The following SNX10 variants were observed in gnomAD, a reference collection of about 807,000 sequenced individuals.
SNX10 encodes the protein sorting nexin 10.
In SNX10, 25 loss-of-function variants were observed where a neutral mutation model predicts 28.5. The ratio of observed to expected loss-of-function variants is 0.88; its 90% CI spans 0.64 to 1.22. The LOEUF (loss-of-function observed/expected upper bound fraction) is 1.22. Ranked by LOEUF, SNX10 falls within the 50% of genes most tolerant of loss-of-function variation. The pLI is 0.00. For synonymous variants in SNX10, 62 were observed against 81.4 expected (o/e 0.76, Z 1.28); for missense variants, 223 against 242.6 (o/e 0.92, Z 0.54).
At chr7:26,352,615 A>G (rs1173773175) in intron 2 of SNX10, among the ~76,000 whole-genome samples, 2 of 152,194 alleles carry the variant, frequency 1.3e-5, no homozygotes, top group Admixed American at 6.5e-5. Context: ...ATATTATATA[A>G]TTTCATCTGT....
At chr7:26,299,518 C>T (rs1215515150) in intron 1 of SNX10, among the ~76,000 whole-genome samples, 1 of 150,454 alleles carries the variant, frequency 6.6e-6, no homozygotes, top group Non-Finnish European at 1.5e-5. Context: ...GCGACCTCTG[C>T]CTCCCAAGTT....
At chr7:26,342,571 G>C (rs1788223703) in intron 1 of SNX10, among the ~76,000 whole-genome samples, 1 of 152,000 alleles carries the variant, frequency 6.6e-6, no homozygotes, top group Non-Finnish European at 1.5e-5. Context: ...ACTATTCTGA[G>C]AGCATTATGC....
intron 1 of SNX10, among the ~76,000 whole-genome samples, chr7:26,339,871 AGTTG>A (rs1788115665): frequency 6.8e-6 from 1 of 146,496 alleles, no homozygotes; most frequent in Non-Finnish European, 1.5e-5. Context: ...TTTTTTAAAT[AGTTG>A]GTTCTGAGAC....
At chr7:26,315,073 C>A (rs1787021883) in intron 1 of SNX10, among the ~76,000 whole-genome samples, 1 of 151,922 alleles carries the variant, frequency 6.6e-6, no homozygotes, top group South Asian at 2.1e-4. Context: ...AAAATAGAAG[C>A]CATATGTAGT....
At chr7:26,299,334 T>C (rs1455575301) in intron 1 of SNX10, among the ~76,000 whole-genome samples, 1 of 152,180 alleles carries the variant, frequency 6.6e-6, no homozygotes, top group Non-Finnish European at 1.5e-5. Flanking sequence ...TAGCTGGGAT[T>C]ACAGGCATGT....
In SNX10 at chr7:26,372,319, T is replaced by C. The variant is rs7801068; in HGVS notation, c.525-172T>C. On this transcript the variant is annotated intron_variant, in intron 6 of 6. Coordinates refer to ENST00000338523, the MANE Select transcript of SNX10 (RefSeq NM_013322.3). ...ACTTGAATTATTCGCGTTTAAATTA[T>C]CTAGCTAAAAAAATACCCAACTGCA... The C allele has an allele frequency of 4.3e-3, 2,714 of 625,438 alleles. 63 individuals carry two copies. The highest frequency in any genetic ancestry group is 0.043 in the African/African-American group (2,373 of 54,860). The allele number at this position is 625,438 out of a possible 1,614,324, so 38.7% of individuals were successfully genotyped here.
Position 26,360,960 on chromosome 7 carries a change from A to G in SNX10, c.25-15A>G, listed in dbSNP as rs1198828531. The G allele has an allele frequency of 1.2e-6, 2 of 1,603,592 alleles. No individual in the cohort carries two copies. The highest frequency in any genetic ancestry group is 2.2e-5 in the South Asian group (2 of 90,768). ...AGTTCTGAAGAATATTTCTTTGTTTATGATGCCATTACAGGAATTTGTAAG... is the reference window on the plus strand; with the variant it reads ...AGTTCTGAAGAATATTTCTTTGTTTGTGATGCCATTACAGGAATTTGTAAG... On this transcript the variant is annotated splice_polypyrimidine_tract_variant and intron_variant, in intron 2 of 6. Coordinates refer to ENST00000338523, the MANE Select transcript of SNX10 (RefSeq NM_013322.3).
chr7:26,360,939 C>G, intron 2 of SNX10, 36 bp from the exon 3 acceptor site: 1 of 1,580,772 alleles, frequency 6.3e-7, no homozygotes, highest in South Asian at 1.1e-5. Context: ...ACTTGCAGTT[C>G]TGAAGAATAT....
chr7:26,298,989 T>C (rs1375423945), intron 1 of SNX10, among the ~76,000 whole-genome samples: 2 of 152,224 alleles, frequency 1.3e-5, no homozygotes, highest in Non-Finnish European at 2.9e-5. Flanking sequence ...CACTGGGGGT[T>C]AGGGCTTTAC....
intron 1 of SNX10, among the ~76,000 whole-genome samples, chr7:26,313,507 T>C (rs956748962): frequency 2.6e-5 from 4 of 152,330 alleles, no homozygotes; most frequent in African/African-American, 9.6e-5. Flanking sequence ...TATCTGGGAC[T>C]CTATGCAAAG....
intron 1 of SNX10, among the ~76,000 whole-genome samples, chr7:26,303,600 T>G (rs1786462395): frequency 6.6e-6 from 1 of 152,224 alleles, no homozygotes; most frequent in Non-Finnish European, 1.5e-5. Context: ...TTTCTCTGGT[T>G]TCTCTGATTC....
intron 2 of SNX10, among the ~76,000 whole-genome samples, chr7:26,352,984 G>C (rs1173520238): frequency 4.6e-5 from 7 of 151,030 alleles, no homozygotes. Context: ...CTGCAGAAGA[G>C]GAGGTTTTTT....
intron 2 of SNX10, among the ~76,000 whole-genome samples, chr7:26,352,483 T>C (rs1327944632): frequency 6.6e-6 from 1 of 152,178 alleles, no homozygotes; most frequent in African/African-American, 2.4e-5. Context: ...AACCCCCATA[T>C]GTGTACCTAC....
intron 1 of SNX10, among the ~76,000 whole-genome samples, chr7:26,345,396 C>G (rs1211481700): frequency 6.6e-6 from 1 of 152,190 alleles, no homozygotes; most frequent in Non-Finnish European, 1.5e-5. Flanking sequence ...ATCCCCTGCT[C>G]TCCCATTCCC....
At chr7:26,345,516 G>C (rs1280168838) in intron 1 of SNX10, among the ~76,000 whole-genome samples, 1 of 152,108 alleles carries the variant, frequency 6.6e-6, no homozygotes. Flanking sequence ...GGCCCTGTGG[G>C]GTCTCTCGTC....
intron 5 of SNX10, among the ~76,000 whole-genome samples, chr7:26,367,569 C>T (rs1183263933): frequency 1.3e-5 from 2 of 152,166 alleles, no homozygotes; most frequent in East Asian, 1.9e-4. Context: ...CTGAGCTCTG[C>T]GGCCCCTGCT....
chr7:26,356,993 G>A (rs1246131080), intron 2 of SNX10: 3 of 1,000,860 alleles, frequency 3.0e-6, no homozygotes, highest in Non-Finnish European at 2.6e-6. Flanking sequence ...AAGGCAGTTT[G>A]TTTATTCCTA....
intron 3 of SNX10, among the ~76,000 whole-genome samples, chr7:26,362,321 T>C (rs1789108269): frequency 6.6e-6 from 1 of 152,182 alleles, no homozygotes. Flanking sequence ...TAACTTTCTG[T>C]AAAAAAATTG....
chr7:26,365,053 G>A lies in SNX10; in HGVS notation c.219G>A (p.Leu73=). 1 of 1,600,630 alleles carries A rather than the reference G, an allele frequency of 6.2e-7. No individual in the cohort carries two copies. The part of the protein sequence containing the change: ...RLQSNALLVQ[L]PELPSKNLFF... The stretch of plus-strand genomic sequence containing the variant: ...GTTTTTTCTTTCTCCTAAGACAACT[G>A]CCAGAACTTCCATCTAAAAACCTGT... The change falls in exon 5 of 7, where the codon CTG becomes CTA. Residue 73 remains leucine (L), a synonymous_variant. Transcript: ENST00000338523.
Sources: gnomAD v4.1 joint callset for allele counts (sites outside exome capture counted in the v4.1 genomes callset) on GRCh38, gnomAD v4.1.1 for gene constraint, MANE v1.5 for transcripts, NCBI Gene and HGNC (gene_info 2026-07-23, HGNC 2026-07-21) for gene names.